The following INTU variants were observed in gnomAD, a reference collection of about 807,000 sequenced individuals.
INTU encodes the protein inturned planar cell polarity protein, also known as protein inturned.
Under a neutral mutation model 100.5 loss-of-function variants are expected in INTU, and 68 were observed. The ratio of observed to expected loss-of-function variants is 0.68; its 90% CI spans 0.56 to 0.83. The LOEUF (loss-of-function observed/expected upper bound fraction) is 0.83. Among genes scored for constraint, INTU ranks in the 40% least tolerant of loss-of-function variants. The pLI is 0.00. For synonymous variants in INTU, 357 were observed against 395.7 expected, an observed-to-expected ratio of 0.90 and a Z score of 1.16; for missense variants, 1,071 against 1,114.7, an observed-to-expected ratio of 0.96 and a Z score of 0.56.
At chr4:127,636,413 C>G (rs552520798) in intron 1 of INTU, among the ~76,000 whole-genome samples, 1 of 151,958 alleles carries the variant, frequency 6.6e-6, no homozygotes, top group Middle Eastern at 3.2e-3. Context: ...GAGTTCGAGA[C>G]CAGCCTGGCC....
In INTU at chr4:127,687,851, T is replaced by C; in HGVS notation, c.1433T>C (p.Leu478Pro). ...DNLPGVRWLT[L>P]PLEIKMELDM... ...CTCCCTGGAGTCCGGTGGCTCACAC[T>C]TCCACTGGAAATCAAGGTAATCTTA... Residue 478 changes from leucine (L) to proline (P), a missense_variant, in exon 8 of 16, where the codon CTT (leucine) becomes CCT (proline). Coordinates refer to ENST00000335251, the MANE Select transcript of INTU (RefSeq NM_015693.4). 6.3e-7 allele frequency: 1 copy of C among 1,581,208 alleles called. No individual in the cohort carries two copies. Among genetic ancestry groups the C allele is most frequent in the Non-Finnish European group, 8.6e-7 (1 of 1,159,030 alleles).
chr4:127,677,978 A>G (rs904085294), intron 6 of INTU, among the ~76,000 whole-genome samples: 5 of 152,224 alleles, frequency 3.3e-5, no homozygotes, highest in Non-Finnish European at 7.3e-5. Flanking sequence ...AGCCGATGCA[A>G]TCAACTGGAA....
At position 127,669,761 on chromosome 4, in the gene INTU, A is replaced by G. The variant is rs541899295; in HGVS notation, c.1091+607A>G. Among the ~76,000 whole-genome samples the G allele has an allele frequency of 7.9e-5, 12 of 151,984 alleles. No individual in the cohort carries two copies. The South Asian group carries it at 1.9e-3, about 24-fold the overall frequency. On this transcript the variant is annotated intron_variant, in intron 5 of 15. Coordinates refer to ENST00000335251, the MANE Select transcript of INTU (RefSeq NM_015693.4). ...GTCTGTTATTCCACATTCTATGTCC[A>G]TGTGTACACATTATTTAGCTCCCAT...
chr4:127,711,002 T>C lies in INTU; in HGVS notation c.2459T>C (p.Val820Ala), dbSNP rs747028455. Residue 820 changes from valine (V) to alanine (A), a missense_variant, in exon 14 of 16, where the codon GTG becomes GCG. Transcript: ENST00000335251. ...TTTATTACTCCTACCCTTGAAGAGG[T>C]GGCACAGCTAAGTGGCTCTATCCAC... ...GIFITPTLEE[V>A]AQLSGSIHPQ... 25 of 1,608,098 alleles carry C rather than the reference T, an allele frequency of 1.6e-5. No individual in the cohort carries two copies. The East Asian group carries it at 4.0e-4, about 26-fold the overall frequency.
intron 8 of INTU, among the ~76,000 whole-genome samples, chr4:127,692,392 T>A (rs1730186556): frequency 6.6e-6 from 1 of 152,194 alleles, no homozygotes; most frequent in Admixed American, 6.5e-5. Context: ...TATCTTCTTT[T>A]CAGAATTGTC....
rs1578547842 is a variant in INTU at position 127,654,148 on chromosome 4, C to T, written c.683-2488C>T. ...CGTGAGATGGGTTTCCTGAATACAG[C>T]ACACTGATGGGTCTTGACTCTTTAT... is the stretch of plus-strand genomic sequence containing the variant. On this transcript the variant is annotated intron_variant, in intron 2 of 15. Transcript: ENST00000335251. Among the ~76,000 whole-genome samples, 8 of 151,380 alleles carry T rather than the reference C, an allele frequency of 5.3e-5. No individual in the cohort carries two copies. In the East Asian group the frequency reaches 1.5e-3, roughly 29 times the overall value.
intron 2 of INTU, among the ~76,000 whole-genome samples, chr4:127,654,499 T>C (rs1004092549): frequency 5.3e-5 from 8 of 152,194 alleles, no homozygotes; most frequent in Admixed American, 6.5e-5. Context: ...TTTGGCTGGA[T>C]ATGAAATTCT....
chr4:127,688,334 C>T (rs556639050), intron 8 of INTU, among the ~76,000 whole-genome samples: 6 of 152,178 alleles, frequency 3.9e-5, no homozygotes, highest in South Asian at 2.1e-4. Flanking sequence ...TCCCATGGAT[C>T]GCATACCAAT....
chr4:127,665,618 C>T (rs1728664375), intron 4 of INTU, among the ~76,000 whole-genome samples: 1 of 152,130 alleles, frequency 6.6e-6, no homozygotes, highest in Admixed American at 6.6e-5. Context: ...GTTTAGATCT[C>T]ATTTCATTTA....
intron 8 of INTU, chr4:127,699,448 C>T (rs1239750305): frequency 1.3e-5 from 2 of 151,968 alleles, no homozygotes; most frequent in Admixed American, 6.6e-5. Flanking sequence ...CACTTGCCTT[C>T]GTGTTTTAAT....
At chr4:127,645,658 T>C (rs561230743) in intron 2 of INTU, among the ~76,000 whole-genome samples, 1 of 152,140 alleles carries the variant, frequency 6.6e-6, no homozygotes, top group South Asian at 2.1e-4. Context: ...CCTCCCGGGT[T>C]CAAGCGATTC....
intron 7 of INTU, 35 bp downstream of exon 7, chr4:127,684,521 A>T (rs780396183): frequency 2.5e-6 from 3 of 1,200,646 alleles, no homozygotes; most frequent in South Asian, 2.6e-5. Context: ...TCAAGTTTTA[A>T]TTATGTGATT....
At chr4:127,674,255 A>T in intron 6 of INTU, 42 bp downstream of exon 6, 1 of 1,404,716 alleles carries the variant, frequency 7.1e-7, no homozygotes, top group Non-Finnish European at 9.9e-7. Flanking sequence ...TTTCCAAATA[A>T]TGTTAACTTT....
Position 127,705,615 on chromosome 4 carries a change from C to T in INTU, c.1591C>T (p.Pro531Ser), listed in dbSNP as rs757264336. Residue 531 changes from proline (P) to serine (S), a missense_variant, in exon 11 of 16, where the codon CCC becomes TCC. Transcript: ENST00000335251. ...YKGYLICSHL[P>S]KDDLIDIAVY... ...GGGTTATTTGATATGCAGTCATTTGCCCAAGGATGATCTTATTGATATTGC... is the reference window on the plus strand; with the variant it reads ...GGGTTATTTGATATGCAGTCATTTGTCCAAGGATGATCTTATTGATATTGC... 2.5e-6 allele frequency: 4 copies of T among 1,613,736 alleles called. No individual in the cohort carries two copies. The East Asian group carries it at 8.9e-5, about 36-fold the overall frequency.
At chr4:127,652,755 TC>T (rs1428357623) in intron 2 of INTU, among the ~76,000 whole-genome samples, 4 of 135,422 alleles carry the variant, frequency 3.0e-5, no homozygotes, top group Admixed American at 7.8e-5. Flanking sequence ...TAGGAAGGAT[TC>T]CCTCTTTTTC....
chr4:127,641,415 G>A (rs1727328025), intron 1 of INTU, among the ~76,000 whole-genome samples: 1 of 152,108 alleles, frequency 6.6e-6, no homozygotes, highest in South Asian at 2.1e-4. Context: ...GTCCGTCTAG[G>A]CCATGGGGAC....
chr4:127,640,540 TAC>T (rs767064734), intron 1 of INTU, among the ~76,000 whole-genome samples: 6,124 of 84,452 alleles, frequency 0.073, 676 homozygotes, highest in East Asian at 0.36. Flanking sequence ...TGGGTAAAGA[TAC>T]ATATATATAT....
chr4:127,687,428 A>G, intron 7 of INTU: 1 of 238,252 alleles, frequency 4.2e-6, no homozygotes, highest in South Asian at 1.6e-4. Context: ...CACTTGTGTT[A>G]GCCCTGTGGT....
Position 127,704,316 on chromosome 4 carries a change from G to T in INTU, c.1566+26G>T, listed in dbSNP as rs937509168. The stretch of plus-strand genomic sequence containing the variant: ...GTAAGTTGAAGCTTGAAGTCTAAAT[G>T]TCCAGCTGCTGTATAAAGAGAACTA... On this transcript the variant is annotated intron_variant, in intron 10 of 15. Coordinates refer to ENST00000335251, the MANE Select transcript of INTU (RefSeq NM_015693.4). 3 of 1,531,172 alleles carry T rather than the reference G, an allele frequency of 2.0e-6. No homozygotes were observed. The South Asian group carries it at 3.5e-5, about 18-fold the overall frequency. 94.8% of individuals were successfully genotyped at this position (1,531,172 alleles called of 1,614,324 possible).
Sources: gnomAD v4.1 joint callset for allele counts (sites outside exome capture counted in the v4.1 genomes callset) on GRCh38, gnomAD v4.1.1 for gene constraint, MANE v1.5 for transcripts, NCBI Gene and HGNC (gene_info 2026-07-23, HGNC 2026-07-21) for gene names.